The following RP1 variants were observed in gnomAD, a reference collection of about 807,000 sequenced individuals.
RP1 encodes the protein oxygen-regulated protein 1.
RP1 carries 16 observed loss-of-function variants against 14.8 expected under a neutral mutation model. The observed-to-expected ratio is 1.08, with a 90% CI of 0.73 to 1.65. The LOEUF is 1.65. RP1 is among the 40% of genes most tolerant of loss of function. The pLI is 0.00. For missense variants in RP1, 2,631 were observed against 2,535.0 expected (o/e 1.04, Z -0.81); for synonymous variants, 876 against 883.6 (o/e 0.99, Z 0.15).
intron 1 of RP1, among the ~76,000 whole-genome samples, chr8:54,616,760 C>T (rs1805726170): frequency 6.6e-6 from 1 of 152,180 alleles, no homozygotes; most frequent in Admixed American, 6.5e-5. Context: ...TGAATTCACA[C>T]TATGTGGTAG....
downstream of RP1, among the ~76,000 whole-genome samples, chr8:54,632,172 C>G (rs1371191251): frequency 6.6e-6 from 1 of 152,110 alleles, no homozygotes; most frequent in Non-Finnish European, 1.5e-5. Context: ...AAAATTACCA[C>G]TCATTCTCTA....
intron 9 of RP1, chr8:54,678,571 T>C: frequency 2.0e-6 from 3 of 1,507,350 alleles, no homozygotes; most frequent in Non-Finnish European, 2.7e-6. Flanking sequence ...AAAAAATCCA[T>C]TTCATGTTAG....
At chr8:54,722,657 C>T (rs1219856305) in intron 16 of RP1, among the ~76,000 whole-genome samples, 1 of 152,052 alleles carries the variant, frequency 6.6e-6, no homozygotes, top group African/African-American at 2.4e-5. Flanking sequence ...GATAGAGCAG[C>T]CCCCGAAAAA....
upstream of RP1, among the ~76,000 whole-genome samples, chr8:54,611,877 C>T (rs181755725): frequency 6.7e-6 from 1 of 148,600 alleles, no homozygotes; most frequent in Non-Finnish European, 1.5e-5. Flanking sequence ...CCCTCCCTCC[C>T]TCCCTCTCTC....
At chr8:54,808,774 G>A (rs1810918547) in intron 24 of RP1, among the ~76,000 whole-genome samples, 1 of 152,170 alleles carries the variant, frequency 6.6e-6, no homozygotes, top group Non-Finnish European at 1.5e-5. Flanking sequence ...AGACATTGGT[G>A]TATAGTTGCT....
chr8:54,674,076 T>A, intron 8 of RP1: 1 of 634,982 alleles, frequency 1.6e-6, no homozygotes, highest in Non-Finnish European at 2.6e-6. Context: ...TGTCTCCAAA[T>A]ACCCTTTAAA....
intron 16 of RP1, among the ~76,000 whole-genome samples, chr8:54,724,065 GT>G (rs1808595318): frequency 6.6e-6 from 1 of 152,110 alleles, no homozygotes; most frequent in Non-Finnish European, 1.5e-5. Flanking sequence ...TCTTATGGAA[GT>G]TTGCATTAAA....
chr8:54,680,874 T>C (rs1585601615), intron 12 of RP1, among the ~76,000 whole-genome samples: 1 of 150,882 alleles, frequency 6.6e-6, no homozygotes. Context: ...AGGAGAATGG[T>C]GTGAACCCGG....
At chr8:54,658,025 T>A (rs773748306) in intron 6 of RP1, among the ~76,000 whole-genome samples, 8 of 152,246 alleles carry the variant, frequency 5.3e-5, no homozygotes, top group Non-Finnish European at 1.2e-4. Context: ...AACTTCTGCA[T>A]CTTACAAAGC....
intron 27 of RP1, among the ~76,000 whole-genome samples, chr8:54,860,200 A>G (rs115909250): frequency 6.6e-6 from 1 of 152,212 alleles, no homozygotes; most frequent in Non-Finnish European, 1.5e-5. Flanking sequence ...ACATGTTTAC[A>G]TGGCTAATTT....
In RP1 at chr8:54,867,690, A is replaced by C. The variant is rs1585761153; in HGVS notation, c.4151+1774A>C. ...TTTTTAGACATGATACTACACATGC[A>C]AATGAAGGGAGAAAACACACCTTTG... On this transcript the variant is annotated intron_variant, in intron 28 of 28. Coordinates refer to the RP1 transcript ENST00000637698. 3.9e-5 allele frequency among the ~76,000 whole-genome samples: 6 copies of C among 152,234 alleles called. No homozygotes were observed. In the South Asian group the frequency reaches 1.2e-3, roughly 31 times the overall value.
intron 25 of RP1, among the ~76,000 whole-genome samples, chr8:54,845,385 A>T (rs1289941890): frequency 6.6e-6 from 1 of 152,160 alleles, no homozygotes; most frequent in Non-Finnish European, 1.5e-5. Flanking sequence ...TTCTTTATTC[A>T]GCAGATATTT....
intron 25 of RP1, among the ~76,000 whole-genome samples, chr8:54,840,811 AT>A (rs994727072): frequency 2.0e-5 from 3 of 152,082 alleles, no homozygotes; most frequent in African/African-American, 7.2e-5. Context: ...AAAGGGGGTA[AT>A]TTCTTAGCTG....
intron 24 of RP1, among the ~76,000 whole-genome samples, chr8:54,823,036 T>A (rs1315463688): frequency 1.3e-5 from 2 of 152,176 alleles, no homozygotes; most frequent in Non-Finnish European, 2.9e-5. Flanking sequence ...AATAGTTCAG[T>A]ATCTAAGCCT....
rs762821563 is a variant in RP1, at chr8:54,621,267, G to A, written c.301G>A (p.Gly101Ser). ...CACGCGCCTGGAGGAGCTGGAGGAC[G>A]GCGAGTCCTACCTATGTTCCCACGG... ...SITRLEELEDGESYLCSHGRK... is the reference protein window; with the variant it reads ...SITRLEELEDSESYLCSHGRK... The change falls in exon 2 of 4, where the codon GGC (glycine) becomes AGC (serine). Residue 101 changes from glycine to serine, a missense_variant. Transcript: ENST00000220676. The A allele has an allele frequency of 2.5e-6, 4 of 1,613,952 alleles. No homozygotes were observed. Among genetic ancestry groups the A allele is most frequent in the Non-Finnish European group, 3.4e-6 (4 of 1,180,034 alleles).
chr8:54,870,767 C>T (rs934222496), exon 29 of RP1: 9 of 152,138 alleles, frequency 5.9e-5, no homozygotes, highest in African/African-American at 2.2e-4. Context: ...GTCTTTGAAT[C>T]TCTATTTTGC....
At chr8:54,612,105 G>A (rs1393319988), upstream of RP1, among the ~76,000 whole-genome samples, 2 of 152,046 alleles carry the variant, frequency 1.3e-5, no homozygotes, top group Non-Finnish European at 2.9e-5. Context: ...TAAGTGCCTA[G>A]TTCCTAAAAT....
chr8:54,576,296 C>T (rs1486606387), intron 1 of RP1, among the ~76,000 whole-genome samples: 1 of 152,182 alleles, frequency 6.6e-6, no homozygotes, highest in African/African-American at 2.4e-5. Context: ...CCGCCCGCCT[C>T]GGCCTCCCAA....
chr8:54,847,429 T>C (rs1563394879), intron 25 of RP1, among the ~76,000 whole-genome samples: 1 of 152,190 alleles, frequency 6.6e-6, no homozygotes, highest in Non-Finnish European at 1.5e-5. Context: ...TACAATCTCA[T>C]AATTGTATCC....
Sources: allele counts gnomAD v4.1 joint callset (sites outside exome capture counted in the v4.1 genomes callset), GRCh38; gene constraint gnomAD v4.1.1; transcripts MANE v1.5; gene names NCBI Gene and HGNC (gene_info 2026-07-23, HGNC 2026-07-21).